Variants in RBFOX1 observed in about 807,000 individuals in gnomAD.
RBFOX1 encodes RNA binding fox-1 homolog 1.
RBFOX1 carries 8 observed loss-of-function variants against 57.7 expected under a neutral mutation model. The observed-to-expected ratio is 0.14, with a 90% CI of 0.08 to 0.25. RBFOX1 has a LOEUF of 0.25. RBFOX1 is among the 10% of genes least tolerant of loss of function. The pLI, the probability that RBFOX1 is intolerant of heterozygous loss-of-function variation, is 1.00. For missense variants in RBFOX1, 611 were observed against 548.5 expected (o/e 1.11, Z -1.14); for synonymous variants, 326 against 222.4 (o/e 1.47, Z -4.15).
intron 3 of RBFOX1, among the ~76,000 whole-genome samples, chr16:5,721,459 C>G (rs971344015): frequency 1.1e-4 from 16 of 152,024 alleles, no homozygotes; most frequent in Admixed American, 8.5e-4. Flanking sequence ...GCCTTTTTTT[C>G]TTGTTCTTGC....
At chr16:6,797,438 A>G (rs2084343391) in intron 3 of RBFOX1, among the ~76,000 whole-genome samples, 1 of 152,192 alleles carries the variant, frequency 6.6e-6, no homozygotes, top group Non-Finnish European at 1.5e-5. Context: ...TTGTTGCGCA[A>G]TAACATGAAG....
chr16:6,618,034 C>A (rs927431990), intron 2 of RBFOX1, among the ~76,000 whole-genome samples: 5 of 152,142 alleles, frequency 3.3e-5, no homozygotes, highest in Admixed American at 1.3e-4. Context: ...CATATGCATG[C>A]AAGACTTTGC....
rs796402050 is a variant in RBFOX1, at chr16:6,450,813, A to G, written c.-64+133756A>G. The stretch of plus-strand genomic sequence containing the variant: ...TACATATATATATGTATATATATAT[A>G]TATACATATATATATATATATATGT... On this transcript the variant is annotated intron_variant, in intron 2 of 15. Coordinates refer to ENST00000550418, the MANE Select transcript of RBFOX1 (RefSeq NM_018723.4). 5.9e-3 allele frequency among the ~76,000 whole-genome samples: 85 copies of G among 14,484 alleles called. 2 individuals are homozygous for G. The highest frequency in any genetic ancestry group is 0.011 in the African/African-American group (24 of 2,142). 9.5% of individuals were successfully genotyped at this position (14,484 alleles called of 152,430 possible). A position where few individuals can be genotyped will look rare whatever the true frequency, so the allele number is the denominator to read the frequency against.
chr16:6,978,786 C>G (rs142992195), intron 3 of RBFOX1, among the ~76,000 whole-genome samples: 185 of 152,340 alleles, frequency 1.2e-3, no homozygotes, highest in African/African-American at 4.3e-3. Flanking sequence ...TTCTGGAGTT[C>G]ATGCTCTGTG....
intron 2 of RBFOX1, among the ~76,000 whole-genome samples, chr16:6,592,009 A>T (rs2097717990): frequency 6.6e-6 from 1 of 152,134 alleles, no homozygotes; most frequent in African/African-American, 2.4e-5. Context: ...CCTATTATTT[A>T]ATCATATAGT....
intron 2 of RBFOX1, among the ~76,000 whole-genome samples, chr16:6,375,857 C>T (rs1026701420): frequency 6.6e-6 from 1 of 152,162 alleles, no homozygotes; most frequent in African/African-American, 2.4e-5. Context: ...ATGCAAAAAA[C>T]ACACTCCCTT....
chr16:6,416,750 A>G (rs1309927180), intron 2 of RBFOX1, among the ~76,000 whole-genome samples: 1 of 152,138 alleles, frequency 6.6e-6, no homozygotes, highest in Non-Finnish European at 1.5e-5. Flanking sequence ...GTCCAGCAAT[A>G]CCATACTAAT....
At chr16:7,142,342 GA>G (rs569331447) in intron 4 of RBFOX1, among the ~76,000 whole-genome samples, 1 of 152,006 alleles carries the variant, frequency 6.6e-6, no homozygotes, top group Non-Finnish European at 1.5e-5. Flanking sequence ...TTTCACTTAG[GA>G]AAAAAATCAG....
At chr16:6,528,953 G>C (rs1044322449) in intron 2 of RBFOX1, among the ~76,000 whole-genome samples, 1 of 152,120 alleles carries the variant, frequency 6.6e-6, no homozygotes, top group African/African-American at 2.4e-5. Context: ...ATCCATGTTT[G>C]AACATTATCA....
At chr16:7,342,603 C>G (rs1430408718) in intron 4 of RBFOX1, among the ~76,000 whole-genome samples, 1 of 152,170 alleles carries the variant, frequency 6.6e-6, no homozygotes, top group Non-Finnish European at 1.5e-5. Context: ...CACTTCTCTG[C>G]TCCCATTCTT....
intron 1 of RBFOX1, among the ~76,000 whole-genome samples, chr16:5,296,517 C>A (rs774472062): frequency 3.3e-5 from 5 of 151,800 alleles, no homozygotes; most frequent in Admixed American, 6.6e-5. Context: ...CGAGACAAAT[C>A]CTTGGTTCTC....
intron 1 of RBFOX1, among the ~76,000 whole-genome samples, chr16:5,287,294 A>AC (rs956762672): frequency 1.3e-5 from 2 of 151,282 alleles, no homozygotes; most frequent in Non-Finnish European, 2.9e-5. Context: ...AAAGAGTGAG[A>AC]CCCCGTTTCA....
chr16:6,796,039 A>G (rs559435238), intron 3 of RBFOX1, among the ~76,000 whole-genome samples: 8 of 152,250 alleles, frequency 5.3e-5, no homozygotes, highest in African/African-American at 1.9e-4. Flanking sequence ...TGACAAAGAC[A>G]TACCTGAGAT....
chr16:5,318,623 A>G (rs1259233852), intron 1 of RBFOX1, among the ~76,000 whole-genome samples: 1 of 152,200 alleles, frequency 6.6e-6, no homozygotes, highest in African/African-American at 2.4e-5. Context: ...ACACTTTATC[A>G]TATGGAGCCC....
chr16:5,949,513 G>T (rs1317847493), intron 4 of RBFOX1, among the ~76,000 whole-genome samples: 1 of 128,750 alleles, frequency 7.8e-6, no homozygotes, highest in Non-Finnish European at 1.6e-5. Context: ...GTGGCAGTGC[G>T]AGAGTCCATC....
chr16:6,978,124 C>G (rs926940054), intron 3 of RBFOX1, among the ~76,000 whole-genome samples: 1 of 147,714 alleles, frequency 6.8e-6, no homozygotes, highest in Non-Finnish European at 1.5e-5. Flanking sequence ...CAGCCCTGAA[C>G]ACAACAGCCG....
At chr16:7,438,937 A>G (rs62015744) in intron 4 of RBFOX1, among the ~76,000 whole-genome samples, 3,819 of 152,282 alleles carry the variant, frequency 0.025, 53 homozygotes, top group Middle Eastern at 0.041. Flanking sequence ...AATAAAAAGA[A>G]AGCCATTTCA....
intron 5 of RBFOX1, among the ~76,000 whole-genome samples, chr16:7,553,303 C>A (rs554935847): frequency 1.3e-5 from 2 of 152,208 alleles, no homozygotes; most frequent in South Asian, 4.1e-4. Flanking sequence ...CACCACCACA[C>A]CCCCTAATTT....
In RBFOX1 at chr16:5,432,796, C is replaced by CT. The variant is rs994929726; in HGVS notation, c.220-34413dup. 1.1e-4 allele frequency among the ~76,000 whole-genome samples: 17 copies of CT among 151,772 alleles called. 2 individuals carry two copies. Among genetic ancestry groups the CT allele is most frequent in the Middle Eastern group, 3.4e-3 (1 of 294 alleles). On this transcript the variant is annotated intron_variant, in intron 1 of 2. Coordinates refer to the RBFOX1 transcript ENST00000585867. Reference sequence around the variant, plus strand: ...TATTTTTCTTTGTTTCTTTTCTTTTCTTTTTTTAAGACAGGGTCTTACTCT... The same window carrying CT: ...TATTTTTCTTTGTTTCTTTTCTTTTCTTTTTTTTAAGACAGGGTCTTACTCT...
Sources: gnomAD v4.1 joint callset for allele counts (sites outside exome capture counted in the v4.1 genomes callset) on GRCh38, gnomAD v4.1.1 for gene constraint, MANE v1.5 for transcripts, NCBI Gene and HGNC (gene_info 2026-07-23, HGNC 2026-07-21) for gene names.